ADCY5: variants seen among roughly 807,000 people sequenced by gnomAD.
ADCY5 encodes adenylate cyclase type 5.
ADCY5 carries 30 observed loss-of-function variants against 119.7 expected under a neutral mutation model. That is an observed-to-expected ratio of 0.25 (90% CI 0.19 to 0.34). The LOEUF is 0.34. Among genes scored for constraint, ADCY5 ranks in the 10% least tolerant of loss-of-function variants. ADCY5 has a pLI of 1.00. For synonymous variants in ADCY5, 753 were observed against 762.2 expected (o/e 0.99, Z 0.20); for missense variants, 1,324 against 1,775.2 (o/e 0.75, Z 4.57).
intron 1 of ADCY5, among the ~76,000 whole-genome samples, chr3:123,375,925 GC>G (rs1943815607): frequency 6.8e-6 from 1 of 147,338 alleles, no homozygotes; most frequent in South Asian, 2.1e-4. Context: ...CAGTCCCAGA[GC>G]TGGGACTCCA....
chr3:123,347,238 A>G (rs1021327256), intron 3 of ADCY5, among the ~76,000 whole-genome samples: 5 of 152,076 alleles, frequency 3.3e-5, no homozygotes, highest in African/African-American at 1.2e-4. Flanking sequence ...ATTACAGAAA[A>G]TTTCAAATAG....
At position 123,359,331 on chromosome 3, in the gene ADCY5, AATATATATATATAT is replaced by A. The variant is rs57105101; in HGVS notation, c.1135-6764_1135-6751del. On this transcript the variant is annotated intron_variant, in intron 1 of 20. Coordinates refer to ENST00000462833, the MANE Select transcript of ADCY5 (RefSeq NM_183357.3). ...AATATTTGGGACCTACTTATACTAAAATATATATATATATATATATATATATATATATTCATTAT... is the reference window on the plus strand; with the variant it reads ...AATATTTGGGACCTACTTATACTAAAATATATATATATATATATTCATTAT... Among the ~76,000 whole-genome samples, 21 of 109,770 alleles carry A rather than the reference AATATATATATATAT, an allele frequency of 1.9e-4. 2 individuals carry two copies. Among genetic ancestry groups the A allele is most frequent in the African/African-American group, 5.2e-4 (14 of 27,006 alleles). 72.0% of individuals were successfully genotyped at this position (109,770 alleles called of 152,430 possible). A position where few individuals can be genotyped will look rare whatever the true frequency, so the allele number is the denominator to read the frequency against.
chr3:123,333,759 T>C (rs1941892952), intron 3 of ADCY5, among the ~76,000 whole-genome samples: 1 of 152,188 alleles, frequency 6.6e-6, no homozygotes, highest in African/African-American at 2.4e-5. Context: ...AAGCCTTTTA[T>C]ACCTCTGCTC....
intron 1 of ADCY5, among the ~76,000 whole-genome samples, chr3:123,416,566 AAGGC>A (rs1945189672): frequency 1.3e-5 from 2 of 152,206 alleles, no homozygotes; most frequent in African/African-American, 2.4e-5. Flanking sequence ...TGCTGGGGAC[AAGGC>A]AGCCTGATAG....
In ADCY5 at chr3:123,383,996, C is replaced by T. The variant is rs1471456221; in HGVS notation, c.1135-31415G>A. Among the ~76,000 whole-genome samples the T allele has an allele frequency of 2.0e-5, 3 of 151,868 alleles. No individual in the cohort carries two copies. The East Asian group carries it at 5.9e-4, about 30-fold the overall frequency. On this transcript the variant is annotated intron_variant, in intron 1 of 20. Transcript: ENST00000462833. Reference sequence around the variant, plus strand: ...CACACACACACAAACACACACCCACCCTTCCTCAAGGGTGGCCTTGTAAAT... The same window carrying T: ...CACACACACACAAACACACACCCACTCTTCCTCAAGGGTGGCCTTGTAAAT...
Position 123,448,326 on chromosome 3 carries a change from G to A in ADCY5, c.220C>T (p.Arg74Cys). Residue 74 changes from arginine to cysteine, a missense_variant, in exon 1 of 21, where the codon CGC becomes TGC. Arg to Cys is a radical substitution (Grantham distance 180). Around this residue, in one of 6 missense-constraint regions of ADCY5, gnomAD observed 585 missense variants for 569.9 expected, o/e 1.03. Transcript: ENST00000462833. ...GGAGGATCGTCGTCGTCGTCGCTGC[G>A]CCAGCGGCTGGCCAGGCGCTGCTGC... is the stretch of plus-strand genomic sequence containing the variant. ...QQQQRLASRW[R>C]SDDDDDPPLS... 2 of 1,535,450 alleles carry A rather than the reference G, an allele frequency of 1.3e-6. No homozygotes were observed. Among genetic ancestry groups the A allele is most frequent in the Non-Finnish European group, 8.7e-7 (1 of 1,151,816 alleles).
At chr3:123,317,755 A>C (rs1940995970) in intron 11 of ADCY5, among the ~76,000 whole-genome samples, 1 of 151,242 alleles carries the variant, frequency 6.6e-6, no homozygotes, top group African/African-American at 2.4e-5. Flanking sequence ...CGACCCAAAA[A>C]AAAAAAAAAA....
rs1171881599 is a variant in ADCY5 at position 123,448,588 on chromosome 3, C to T, written c.-43G>A. Reference sequence around the variant, plus strand: ...CGTCTCCTTCCTCCTCCCCCGGAAGCCGGGCCGGGGGTCTCCAAGGGGAGG... The same window carrying T: ...CGTCTCCTTCCTCCTCCCCCGGAAGTCGGGCCGGGGGTCTCCAAGGGGAGG... On this transcript the variant is annotated 5_prime_UTR_variant, in exon 1 of 21. Transcript: ENST00000462833. 27 of 1,268,822 alleles carry T rather than the reference C, an allele frequency of 2.1e-5. No homozygotes were observed. The highest frequency in any genetic ancestry group is 2.7e-5 in the Non-Finnish European group (27 of 1,009,620). 78.6% of individuals were successfully genotyped at this position (1,268,822 alleles called of 1,614,324 possible).
intron 1 of ADCY5, among the ~76,000 whole-genome samples, chr3:123,431,736 C>G (rs548519561): frequency 3.9e-4 from 60 of 152,288 alleles, no homozygotes; most frequent in African/African-American, 1.4e-3. Context: ...GGTTTTTATA[C>G]CAACCACCAA....
intron 2 of ADCY5, among the ~76,000 whole-genome samples, chr3:123,349,301 T>A (rs1425407203): frequency 6.6e-6 from 1 of 152,192 alleles, no homozygotes; most frequent in Non-Finnish European, 1.5e-5. Flanking sequence ...GCTTTTCAGA[T>A]CTTTCCCTCT....
intron 1 of ADCY5, among the ~76,000 whole-genome samples, chr3:123,392,900 T>C (rs1465534503): frequency 6.6e-6 from 1 of 152,150 alleles, no homozygotes; most frequent in African/African-American, 2.4e-5. Flanking sequence ...AGGCCACCAC[T>C]TTCTTAACTT....
intron 1 of ADCY5, among the ~76,000 whole-genome samples, chr3:123,430,052 C>T (rs1427380300): frequency 2.0e-5 from 3 of 152,204 alleles, no homozygotes; most frequent in African/African-American, 7.2e-5. Flanking sequence ...CCCATGCCCT[C>T]AGCACAGCCT....
intron 1 of ADCY5, among the ~76,000 whole-genome samples, chr3:123,353,340 A>G (rs1299435409): frequency 6.6e-6 from 1 of 152,242 alleles, no homozygotes; most frequent in Non-Finnish European, 1.5e-5. Flanking sequence ...ATGAAACACA[A>G]TACAACACGA....
intron 1 of ADCY5, among the ~76,000 whole-genome samples, chr3:123,401,060 G>GTA (rs5852335): frequency 0.96 from 146,369 of 152,252 alleles, 70,493 homozygotes; most frequent in South Asian, 1. Context: ...GGACACACAT[G>GTA]TATGTCCACA....
rs550866127 is a variant in ADCY5 at position 123,317,357 on chromosome 3, CAG to C, written c.2354+661_2354+662del. ...TTTTTTTTTTTTTTTCAAGAACTAACAGAAAGCAGCCCAGGGAATACTTTGGG... is the reference window on the plus strand; with the variant it reads ...TTTTTTTTTTTTTTTCAAGAACTAACAAAGCAGCCCAGGGAATACTTTGGG... On this transcript the variant is annotated intron_variant, in intron 11 of 20. Coordinates refer to ENST00000462833, the MANE Select transcript of ADCY5 (RefSeq NM_183357.3). 3.7e-3 allele frequency among the ~76,000 whole-genome samples: 538 copies of C among 143,848 alleles called. 2 individuals are homozygous for C. Among genetic ancestry groups the C allele is most frequent in the Non-Finnish European group, 5.8e-3 (381 of 66,158 alleles). 94.4% of individuals were successfully genotyped at this position (143,848 alleles called of 152,430 possible).
chr3:123,348,575 C>T (rs1362739268), intron 2 of ADCY5, among the ~76,000 whole-genome samples: 1 of 152,130 alleles, frequency 6.6e-6, no homozygotes, highest in Admixed American at 6.5e-5. Context: ...GCTCCAGTTC[C>T]ACCTGGGGGA....
At chr3:123,292,518 G>A (rs1340069433) in intron 17 of ADCY5, among the ~76,000 whole-genome samples, 3 of 152,154 alleles carry the variant, frequency 2.0e-5, no homozygotes, top group Non-Finnish European at 2.9e-5. Context: ...AGGGCTTCTG[G>A]ACGCTAAAGG....
At chr3:123,346,291 C>T (rs1942545979) in intron 3 of ADCY5, among the ~76,000 whole-genome samples, 1 of 152,244 alleles carries the variant, frequency 6.6e-6, no homozygotes, top group African/African-American at 2.4e-5. Flanking sequence ...CTGCAACCCC[C>T]TCAGGTCCTT....
chr3:123,364,988 C>T (rs1445248962), intron 1 of ADCY5, among the ~76,000 whole-genome samples: 1 of 148,880 alleles, frequency 6.7e-6, no homozygotes. Context: ...GGCTGGAATG[C>T]AGTGGCGAGA....
Sources: gnomAD v4.1 joint callset for allele counts (sites outside exome capture counted in the v4.1 genomes callset) on GRCh38, gnomAD v4.1.1 for gene constraint, gnomAD v4.1.1 regional missense constraint, MANE v1.5 for transcripts, NCBI Gene and HGNC (gene_info 2026-07-23, HGNC 2026-07-21) for gene names.